ABCB4: variants seen among roughly 807,000 people sequenced by gnomAD.
ABCB4 encodes phosphatidylcholine translocator ABCB4.
In ABCB4, 76 loss-of-function variants were observed where a neutral mutation model predicts 145.7. The observed-to-expected ratio is 0.52, with a 90% CI of 0.43 to 0.63. ABCB4 has a LOEUF of 0.63. Among genes scored for constraint, ABCB4 ranks in the 30% least tolerant of loss-of-function variants. The probability of loss-of-function intolerance (pLI) is 0.00; values close to 1 mark genes in which losing one functional copy is unlikely to be tolerated. For missense variants in ABCB4, 1,234 were observed against 1,553.1 expected (o/e 0.79, Z 3.45); for synonymous variants, 517 against 566.8 (o/e 0.91, Z 1.25).
intron 4 of ABCB4, 112 bp from the exon 5 acceptor site, chr7:87,454,704 TTG>T: frequency 1.2e-6 from 1 of 813,050 alleles, no homozygotes; most frequent in South Asian, 1.7e-5. Flanking sequence ...GAAGATGCTA[TTG>T]TTAAGTTTCT....
the ABCB4 span, chr7:87,375,930 G>A: frequency 5.0e-6 from 8 of 1,610,776 alleles, no homozygotes; most frequent in East Asian, 1.6e-4. Context: ...CAGTCCACAT[G>A]TAACACCAGA....
At chr7:87,454,481 T>C in intron 5 of ABCB4, 54 bp downstream of exon 5, 1 of 1,343,484 alleles carries the variant, frequency 7.4e-7, no homozygotes, top group Non-Finnish European at 1.1e-6. Context: ...ACTCTGTAAT[T>C]GGAAATTATC....
intron 9 of ABCB4, among the ~76,000 whole-genome samples, chr7:87,445,606 CA>C (rs1363561279): frequency 6.8e-6 from 1 of 148,010 alleles, no homozygotes; most frequent in African/African-American, 2.5e-5. Flanking sequence ...AGATTATTAG[CA>C]TAACTTAACT....
the ABCB4 span, among the ~76,000 whole-genome samples, chr7:87,374,328 A>G: frequency 2.3e-4 from 35 of 152,070 alleles, no homozygotes; most frequent in Non-Finnish European, 4.0e-4. Flanking sequence ...TTTCAGGTTT[A>G]ACACACTTTC....
chr7:87,453,054 A>G lies in ABCB4; in HGVS notation c.426T>C (p.Ala142=). 6.2e-7 allele frequency: 1 copy of G among 1,614,204 alleles called. No homozygotes were observed. Among genetic ancestry groups the G allele is most frequent in the Non-Finnish European group, 8.5e-7 (1 of 1,180,032 alleles). The part of the protein sequence containing the change: ...YIQVSFWTLA[A]GRQIRKIRQK... Reference sequence around the variant, plus strand: ...GCCTAATTTTCCTGATCTGTCGACCAGCTGCCAAAGTCCAAAATGAAACTT... The same window carrying G: ...GCCTAATTTTCCTGATCTGTCGACCGGCTGCCAAAGTCCAAAATGAAACTT... Residue 142 remains alanine (A), a synonymous_variant, in exon 6 of 28, where the codon GCT becomes GCC. Coordinates refer to ENST00000649586, the MANE Select transcript of ABCB4 (RefSeq NM_000443.4).
At chr7:87,407,611 C>CA (rs1241163421) in intron 25 of ABCB4, among the ~76,000 whole-genome samples, 1 of 152,126 alleles carries the variant, frequency 6.6e-6, no homozygotes, top group African/African-American at 2.4e-5. Flanking sequence ...GGATCAAAGT[C>CA]AAAGTTCGAG....
chr7:87,454,619 G>A lies in ABCB4; in HGVS notation c.287-27C>T. 3 of 1,548,910 alleles carry A rather than the reference G, an allele frequency of 1.9e-6. No individual in the cohort carries two copies. The East Asian group carries it at 6.8e-5, about 35-fold the overall frequency. ...TAAATTAAAAAATAAAATAAAACATGTTAAAAGATCAAACTATTAATAGGC... is the reference window on the plus strand; with the variant it reads ...TAAATTAAAAAATAAAATAAAACATATTAAAAGATCAAACTATTAATAGGC... On this transcript the variant is annotated intron_variant, in intron 4 of 27. Transcript: ENST00000649586.
chr7:87,381,308 T>A, the ABCB4 span, among the ~76,000 whole-genome samples: 2 of 152,270 alleles, frequency 1.3e-5, no homozygotes, highest in Admixed American at 1.3e-4. Context: ...ATTCACTAAC[T>A]GCAATTTCTT....
At chr7:87,379,213 C>T in the ABCB4 span, among the ~76,000 whole-genome samples, 4 of 152,174 alleles carry the variant, frequency 2.6e-5, no homozygotes, top group South Asian at 6.2e-4. Context: ...TTGACACTGC[C>T]TCTTTCCTCT....
chr7:87,406,409 A>G lies in ABCB4; in HGVS notation c.3365T>C (p.Phe1122Ser), dbSNP rs764003601. The change falls in exon 26 of 28, where the codon TTT (phenylalanine) becomes TCT (serine). Residue 1122 changes from phenylalanine to serine, a missense_variant. Phe to Ser is a radical substitution (Grantham distance 155, BLOSUM62 -2). This residue lies in a region of ABCB4 where 301 missense variants were observed against 389.0 expected (regional missense o/e 0.77). Coordinates refer to ENST00000649586, the MANE Select transcript of ABCB4 (RefSeq NM_000443.4). ...AATATTCTCGGCAATGCTGCAGTCAAATAGGATAGGCTCCTGAGACACGAT... is the reference window on the plus strand; with the variant it reads ...AATATTCTCGGCAATGCTGCAGTCAGATAGGATAGGCTCCTGAGACACGAT... ...LGIVSQEPIL[F>S]DCSIAENIAY... The G allele has an allele frequency of 5.6e-6, 9 of 1,614,196 alleles. No homozygotes were observed. Among genetic ancestry groups the G allele is most frequent in the Non-Finnish European group, 7.6e-6 (9 of 1,180,028 alleles).
intron 12 of ABCB4, among the ~76,000 whole-genome samples, chr7:87,442,783 CT>C (rs1811073215): frequency 6.6e-6 from 1 of 152,074 alleles, no homozygotes; most frequent in South Asian, 2.1e-4. Context: ...TATAGCAAAA[CT>C]TTTAAATGGC....
intron 23 of ABCB4, 40 bp downstream of exon 23, chr7:87,411,853 C>G: frequency 6.3e-7 from 1 of 1,596,382 alleles, no homozygotes. Context: ...CTACTAAAAC[C>G]TTATTATAGA....
chr7:87,435,030 A>T lies in ABCB4; in HGVS notation c.1732-3465T>A, dbSNP rs1034581332. ...AAAATAAAAATATTATTCTTCCAGG[A>T]TGGGTAATTGAGTAGAAATAACAGT... On this transcript the variant is annotated intron_variant, in intron 14 of 27. Transcript: ENST00000649586. Among the ~76,000 whole-genome samples the T allele has an allele frequency of 2.0e-5, 3 of 152,222 alleles. No homozygotes were observed. In the South Asian group the frequency reaches 6.2e-4, roughly 32 times the overall value.
chr7:87,463,951 T>A (rs1385179842), intron 3 of ABCB4, among the ~76,000 whole-genome samples: 1 of 152,248 alleles, frequency 6.6e-6, no homozygotes, highest in Non-Finnish European at 1.5e-5. Flanking sequence ...TGTTCTTCTT[T>A]CCTCCTCTGC....
chr7:87,391,736 C>A, the ABCB4 span: 2 of 1,595,586 alleles, frequency 1.3e-6, no homozygotes, highest in Middle Eastern at 1.7e-4. Flanking sequence ...AGGAAAAAAA[C>A]TCACAAGATT....
rs1562976082 is a variant in ABCB4 at position 87,440,226 on chromosome 7, G to C, written c.1533C>G (p.Ala511=). 5 of 1,613,978 alleles carry C rather than the reference G, an allele frequency of 3.1e-6. No individual in the cohort carries two copies. The Admixed American group carries it at 6.7e-5, about 22-fold the overall frequency. Residue 511 remains alanine (A), a synonymous_variant, in exon 13 of 28, where the codon GCC becomes GCG. Coordinates refer to ENST00000649586, the MANE Select transcript of ABCB4 (RefSeq NM_000443.4). The part of the protein sequence containing the change: ...EIKKAVKEAN[A]YEFIMKLPQK... ...GTGGTAATTTCATGATAAACTCATAGGCGTTGGCCTCTTTGACAGCTTTCT... is the reference window on the plus strand; with the variant it reads ...GTGGTAATTTCATGATAAACTCATACGCGTTGGCCTCTTTGACAGCTTTCT...
At chr7:87,454,394 A>C in intron 5 of ABCB4, 141 bp downstream of exon 5, 1 of 670,064 alleles carries the variant, frequency 1.5e-6, no homozygotes, top group Admixed American at 2.9e-5. Flanking sequence ...TCTTACTTTA[A>C]ATTGGGATTT....
At chr7:87,466,791 G>T (rs918430969) in intron 3 of ABCB4, among the ~76,000 whole-genome samples, 1 of 152,148 alleles carries the variant, frequency 6.6e-6, no homozygotes, top group African/African-American at 2.4e-5. Flanking sequence ...TTCACATCCA[G>T]CCAAACTAAG....
intron 7 of ABCB4, among the ~76,000 whole-genome samples, chr7:87,450,397 T>C (rs893298086): frequency 6.6e-6 from 1 of 152,190 alleles, no homozygotes; most frequent in Non-Finnish European, 1.5e-5. Context: ...TCTTTGTTAG[T>C]TGTAAGGTAA....
Sources: allele counts gnomAD v4.1 joint callset (sites outside exome capture counted in the v4.1 genomes callset), GRCh38; gene constraint gnomAD v4.1.1; regional missense constraint gnomAD v4.1.1; transcripts MANE v1.5; gene names NCBI Gene and HGNC (gene_info 2026-07-23, HGNC 2026-07-21).